The following AGBL4 variants were observed in gnomAD, a reference collection of about 807,000 sequenced individuals.
AGBL4 encodes cytosolic carboxypeptidase 6.
AGBL4 carries 58 observed loss-of-function variants against 66.4 expected under a neutral mutation model. That is an observed-to-expected ratio of 0.87 (90% confidence interval 0.71 to 1.09). The LOEUF (loss-of-function observed/expected upper bound fraction) is 1.09, where lower values mean the gene tolerates loss of function less well. Ranked by LOEUF, AGBL4 falls within the 50% of genes least tolerant of loss-of-function variation. The pLI is 0.00. For synonymous variants in AGBL4, 234 were observed against 222.9 expected, an observed-to-expected ratio of 1.05 and a Z score of -0.44; for missense variants, 579 against 631.0, an observed-to-expected ratio of 0.92 and a Z score of 0.88.
At chr1:49,523,134 G>C (rs1288767420) in intron 3 of AGBL4, among the ~76,000 whole-genome samples, 3 of 152,030 alleles carry the variant, frequency 2.0e-5, no homozygotes, top group Non-Finnish European at 4.4e-5. Context: ...ATTAACTCCT[G>C]AGATCTGGGA....
rs148317091 is a variant in AGBL4, at chr1:49,965,399, C to A, written c.34+58364G>T. 4.1e-4 allele frequency among the ~76,000 whole-genome samples: 63 copies of A among 152,308 alleles called. 1 individual carries two copies. The highest frequency in any genetic ancestry group is 1.3e-3 in the African/African-American group (56 of 41,580). ...GCTGAGAAGAGGCATGAGTAGAAAG[C>A]ATCACATCCATCTTATCACACAAGA... On this transcript the variant is annotated intron_variant, in intron 1 of 13. Coordinates refer to ENST00000371839, the MANE Select transcript of AGBL4 (RefSeq NM_032785.4).
At chr1:49,564,681 A>G (rs1644146186) in intron 3 of AGBL4, among the ~76,000 whole-genome samples, 1 of 152,162 alleles carries the variant, frequency 6.6e-6, no homozygotes, top group South Asian at 2.1e-4. Flanking sequence ...ACAGTTTGTT[A>G]TAATTTCTAT....
intron 3 of AGBL4, among the ~76,000 whole-genome samples, chr1:49,493,099 A>G (rs1215539899): frequency 6.6e-6 from 1 of 151,982 alleles, no homozygotes; most frequent in East Asian, 1.9e-4. Context: ...CCCCATGATT[A>G]AATTGCCTCC....
intron 5 of AGBL4, among the ~76,000 whole-genome samples, chr1:48,958,212 C>T (rs1657658621): frequency 6.6e-6 from 1 of 152,090 alleles, no homozygotes; most frequent in Admixed American, 6.6e-5. Context: ...CCATTAACAC[C>T]TGTCTTTAGT....
intron 2 of AGBL4, among the ~76,000 whole-genome samples, chr1:49,703,984 C>T (rs1205989737): frequency 1.3e-5 from 2 of 151,892 alleles, no homozygotes; most frequent in East Asian, 3.9e-4. Flanking sequence ...ATGGTTGAAA[C>T]AAAAAACCAC....
intron 6 of AGBL4, among the ~76,000 whole-genome samples, chr1:48,666,929 G>C (rs1034950628): frequency 1.3e-5 from 2 of 152,144 alleles, no homozygotes; most frequent in Admixed American, 1.3e-4. Context: ...TCTTAGACTA[G>C]ACTCTTTTAT....
At chr1:49,027,358 T>G (rs552315155) in intron 5 of AGBL4, among the ~76,000 whole-genome samples, 1 of 152,178 alleles carries the variant, frequency 6.6e-6, no homozygotes, top group African/African-American at 2.4e-5. Context: ...AGACGGAGTT[T>G]CACTATGTTG....
intron 3 of AGBL4, among the ~76,000 whole-genome samples, chr1:49,690,077 C>T (rs1007532175): frequency 6.6e-6 from 1 of 152,136 alleles, no homozygotes; most frequent in African/African-American, 2.4e-5. Context: ...AAGGCAAGAC[C>T]CTTCACCAGC....
At chr1:48,857,594 G>A (rs560517443) in intron 6 of AGBL4, among the ~76,000 whole-genome samples, 20 of 152,120 alleles carry the variant, frequency 1.3e-4, no homozygotes, top group South Asian at 6.2e-4. Flanking sequence ...GGTGGCAGGC[G>A]CCTGCAGTCC....
chr1:49,694,115 T>C (rs1328366086), intron 3 of AGBL4, among the ~76,000 whole-genome samples: 1 of 152,176 alleles, frequency 6.6e-6, no homozygotes, highest in African/African-American at 2.4e-5. Flanking sequence ...ATTTATTTAA[T>C]GGAGTCAGCC....
intron 1 of AGBL4, among the ~76,000 whole-genome samples, chr1:49,911,525 AC>A (rs1650830661): frequency 6.6e-6 from 1 of 152,232 alleles, no homozygotes; most frequent in Non-Finnish European, 1.5e-5. Context: ...TTGGGACATC[AC>A]CAAGATAGCA....
intron 4 of AGBL4, among the ~76,000 whole-genome samples, chr1:49,105,303 CAGCAAG>C (rs1486030192): frequency 1.3e-5 from 2 of 152,070 alleles, no homozygotes; most frequent in Non-Finnish European, 2.9e-5. Flanking sequence ...TGTTTGCGAA[CAGCAAG>C]AAACAACAGG....
intron 11 of AGBL4, among the ~76,000 whole-genome samples, chr1:48,577,132 A>G (rs1051976105): frequency 1.3e-5 from 2 of 152,254 alleles, no homozygotes; most frequent in Admixed American, 6.5e-5. Flanking sequence ...TTGGACTGAT[A>G]AAAGTTAGGC....
intron 4 of AGBL4, among the ~76,000 whole-genome samples, chr1:49,215,629 A>C (rs1649026914): frequency 6.6e-6 from 1 of 152,036 alleles, no homozygotes; most frequent in Non-Finnish European, 1.5e-5. Context: ...AAACTTTAAC[A>C]AAGAACCTCC....
rs570354315 is a variant in AGBL4, at chr1:48,708,479, C to T, written c.635-45238G>A. Among the ~76,000 whole-genome samples, 4 of 152,206 alleles carry T rather than the reference C, an allele frequency of 2.6e-5. No individual in the cohort carries two copies. The East Asian group carries it at 7.7e-4, about 29-fold the overall frequency. ...GGCAGCATATTCAAGGGCCCAGAGG[C>T]ACAGTGAGAAGGACAGTGGGATGAC... On this transcript the variant is annotated intron_variant, in intron 6 of 13. Transcript: ENST00000371839.
At chr1:48,673,724 T>C (rs942595966) in intron 6 of AGBL4, among the ~76,000 whole-genome samples, 2 of 152,202 alleles carry the variant, frequency 1.3e-5, no homozygotes, top group African/African-American at 4.8e-5. Context: ...AAACAGACTA[T>C]GGAATGGCGA....
intron 2 of AGBL4, among the ~76,000 whole-genome samples, chr1:49,752,344 T>C (rs1023391375): frequency 2.6e-5 from 4 of 152,230 alleles, no homozygotes; most frequent in Non-Finnish European, 5.9e-5. Context: ...CCAGTAGGCA[T>C]TCAGGAGCAG....
chr1:48,732,759 C>A (rs772329602), intron 6 of AGBL4, among the ~76,000 whole-genome samples: 3 of 152,054 alleles, frequency 2.0e-5, no homozygotes, highest in Non-Finnish European at 4.4e-5. Flanking sequence ...AGATTTCAAC[C>A]CAAAGTCAAG....
intron 5 of AGBL4, among the ~76,000 whole-genome samples, chr1:49,040,457 T>G (rs983030273): frequency 5.3e-5 from 8 of 151,980 alleles, no homozygotes; most frequent in African/African-American, 1.9e-4. Context: ...ATGATTTCAC[T>G]CCAAGAAAAA....
Sources: gnomAD v4.1 joint callset for allele counts (sites outside exome capture counted in the v4.1 genomes callset) on GRCh38, gnomAD v4.1.1 for gene constraint, MANE v1.5 for transcripts, NCBI Gene and HGNC (gene_info 2026-07-23, HGNC 2026-07-21) for gene names.